Variants in SLC39A11 observed in about 807,000 individuals in gnomAD.
SLC39A11 encodes the protein solute carrier family 39 member 11.
A neutral mutation model predicts 36.1 loss-of-function variants in SLC39A11; 33 were observed. The ratio of observed to expected loss-of-function variants is 0.91; its 90% CI spans 0.69 to 1.22. The LOEUF (loss-of-function observed/expected upper bound fraction) is 1.22, where lower values mean the gene tolerates loss of function less well. Among genes scored for constraint, SLC39A11 ranks in the 50% most tolerant of loss-of-function variants. SLC39A11 has a pLI of 0.00. For missense variants in SLC39A11, 432 were observed against 430.3 expected, an observed-to-expected ratio of 1.00 and a Z score of -0.03; for synonymous variants, 166 against 170.3, an observed-to-expected ratio of 0.97 and a Z score of 0.20.
chr17:72,830,082 A>G (rs1209015523), intron 6 of SLC39A11, among the ~76,000 whole-genome samples: 1 of 152,200 alleles, frequency 6.6e-6, no homozygotes, highest in East Asian at 1.9e-4. Context: ...TGAGGCCATG[A>G]GGAAATGCAG....
chr17:72,910,906 A>C (rs2082951164), intron 5 of SLC39A11, among the ~76,000 whole-genome samples: 1 of 145,894 alleles, frequency 6.9e-6, no homozygotes, highest in African/African-American at 2.6e-5. Flanking sequence ...CAGCCTGGGC[A>C]ACAGAGCAAG....
At chr17:72,993,620 T>C (rs1332907842) in intron 4 of SLC39A11, among the ~76,000 whole-genome samples, 2 of 152,218 alleles carry the variant, frequency 1.3e-5, no homozygotes, top group Admixed American at 1.3e-4. Context: ...ATGGCAACTC[T>C]GCCATGTTCC....
At chr17:72,844,438 G>A (rs934130371) in intron 6 of SLC39A11, among the ~76,000 whole-genome samples, 6 of 152,192 alleles carry the variant, frequency 3.9e-5, no homozygotes, top group Non-Finnish European at 7.3e-5. Context: ...GGAGGCCAAG[G>A]CAGGTGGATC....
At chr17:72,944,888 T>C (rs993341732) in intron 5 of SLC39A11, among the ~76,000 whole-genome samples, 4 of 152,176 alleles carry the variant, frequency 2.6e-5, no homozygotes, top group Admixed American at 2.6e-4. Context: ...CAGGTGTGAT[T>C]ATAGAAACAT....
chr17:72,943,789 T>A (rs776759652), intron 5 of SLC39A11, among the ~76,000 whole-genome samples: 3 of 152,232 alleles, frequency 2.0e-5, no homozygotes, highest in Non-Finnish European at 2.9e-5. Context: ...AGTTCACTAG[T>A]GAAGAGTATC....
intron 7 of SLC39A11, among the ~76,000 whole-genome samples, chr17:72,687,553 T>C (rs1213420458): frequency 2.0e-5 from 3 of 152,130 alleles, no homozygotes; most frequent in African/African-American, 7.2e-5. Flanking sequence ...AGGAGCATAA[T>C]ATTGAAAACA....
intron 4 of SLC39A11, among the ~76,000 whole-genome samples, chr17:72,991,447 T>G (rs560800847): frequency 6.6e-6 from 1 of 151,980 alleles, no homozygotes; most frequent in African/African-American, 2.4e-5. Flanking sequence ...AACCTCCACC[T>G]CCCGGGTTGA....
chr17:72,864,617 G>T (rs1214210764), intron 5 of SLC39A11, among the ~76,000 whole-genome samples: 1 of 152,102 alleles, frequency 6.6e-6, no homozygotes, highest in Non-Finnish European at 1.5e-5. Flanking sequence ...TCTCCATTCT[G>T]CAAGGTGGAA....
intron 7 of SLC39A11, among the ~76,000 whole-genome samples, chr17:72,705,624 G>A (rs2072858335): frequency 6.6e-6 from 1 of 152,142 alleles, no homozygotes; most frequent in Non-Finnish European, 1.5e-5. Flanking sequence ...CTAACTCGAT[G>A]GCGGAGGTTG....
chr17:72,865,575 T>C (rs2080261872), intron 5 of SLC39A11, among the ~76,000 whole-genome samples: 1 of 150,502 alleles, frequency 6.6e-6, no homozygotes, highest in Non-Finnish European at 1.5e-5. Context: ...AATGCAAACC[T>C]ACTCTAAAAA....
At chr17:72,835,116 C>T (rs1386779931) in intron 6 of SLC39A11, among the ~76,000 whole-genome samples, 4 of 152,196 alleles carry the variant, frequency 2.6e-5, no homozygotes, top group African/African-American at 9.6e-5. Flanking sequence ...CCTCAGTGCA[C>T]ACCAGGAACA....
chr17:72,930,711 T>C (rs981321787), intron 5 of SLC39A11, among the ~76,000 whole-genome samples: 3 of 152,076 alleles, frequency 2.0e-5, no homozygotes, highest in Non-Finnish European at 4.4e-5. Flanking sequence ...CCATAATAAA[T>C]CTCACGGAAG....
chr17:72,924,083 G>C (rs1011048401), intron 5 of SLC39A11, among the ~76,000 whole-genome samples: 3 of 150,270 alleles, frequency 2.0e-5, no homozygotes, highest in Admixed American at 6.6e-5. Flanking sequence ...GGCTATCAAG[G>C]CTGCAGTGAG....
intron 4 of SLC39A11, among the ~76,000 whole-genome samples, chr17:73,015,412 C>G (rs1172005410): frequency 3.9e-5 from 6 of 152,124 alleles, no homozygotes; most frequent in Non-Finnish European, 1.5e-5. Flanking sequence ...GCAAAAATCC[C>G]AAACTTCTCT....
intron 6 of SLC39A11, chr17:72,818,993 TAA>T (rs1031493861): frequency 5.3e-5 from 8 of 152,070 alleles, no homozygotes; most frequent in African/African-American, 1.9e-4. Context: ...AGGTTTTTTT[TAA>T]AAAAAAGCAG....
intron 5 of SLC39A11, among the ~76,000 whole-genome samples, chr17:72,916,797 C>T (rs1448510621): frequency 6.6e-6 from 1 of 152,156 alleles, no homozygotes; most frequent in Non-Finnish European, 1.5e-5. Flanking sequence ...TCCCTCCGCA[C>T]CTCAATTCAT....
At chr17:72,745,673 G>T (rs2074905522) in intron 6 of SLC39A11, among the ~76,000 whole-genome samples, 1 of 152,118 alleles carries the variant, frequency 6.6e-6, no homozygotes, top group Non-Finnish European at 1.5e-5. Flanking sequence ...AAATCTCTCT[G>T]TTCCACGCCA....
chr17:72,949,459 C>A (rs1310906053), intron 4 of SLC39A11, among the ~76,000 whole-genome samples: 1 of 151,894 alleles, frequency 6.6e-6, no homozygotes, highest in Non-Finnish European at 1.5e-5. Flanking sequence ...CTGCACCCGG[C>A]CAGCTTTTAA....
At chr17:72,931,590 G>A (rs1458878619) in intron 5 of SLC39A11, among the ~76,000 whole-genome samples, 1 of 152,212 alleles carries the variant, frequency 6.6e-6, no homozygotes, top group Non-Finnish European at 1.5e-5. Flanking sequence ...GGGGAGCCAT[G>A]GGCTCAGCTG....
Sources: gnomAD v4.1 joint callset for allele counts (sites outside exome capture counted in the v4.1 genomes callset) on GRCh38, gnomAD v4.1.1 for gene constraint, MANE v1.5 for transcripts, NCBI Gene and HGNC (gene_info 2026-07-23, HGNC 2026-07-21) for gene names.